MYO5B: variants seen among roughly 807,000 people sequenced by gnomAD.
MYO5B encodes the protein myosin VB, also known as unconventional myosin-Vb.
A neutral mutation model predicts 229.3 loss-of-function variants in MYO5B; 143 were observed. The ratio of observed to expected loss-of-function variants is 0.62; its 90% CI spans 0.54 to 0.72. The LOEUF (loss-of-function observed/expected upper bound fraction) is 0.72, where lower values mean the gene tolerates loss of function less well. Ranked by LOEUF, MYO5B falls within the 30% of genes least tolerant of loss-of-function variation. The pLI is 0.00. For synonymous variants in MYO5B, 918 were observed against 885.2 expected (o/e 1.04, Z -0.66); for missense variants, 2,321 against 2,331.0 (o/e 1.00, Z 0.09).
chr18:49,843,124 A>C, intron 34 of MYO5B, 117 bp downstream of exon 34: 1 of 1,345,428 alleles, frequency 7.4e-7, no homozygotes, highest in Non-Finnish European at 1.1e-6. Context: ...ATTTACCTTC[A>C]AAGTTGGAGC....
intron 12 of MYO5B, 124 bp from the exon 13 acceptor site, chr18:49,954,559 C>T (rs1439593554): frequency 6.4e-6 from 8 of 1,247,228 alleles, no homozygotes; most frequent in African/African-American, 1.5e-5. Context: ...CGAACCAGGA[C>T]CTTAACTGGA....
rs117958413 is a variant in MYO5B at position 49,841,628 on chromosome 18, G to A, written c.4612-174C>T. Among the ~76,000 whole-genome samples, 10 of 152,304 alleles carry A rather than the reference G, an allele frequency of 6.6e-5. No homozygotes were observed. In the East Asian group the frequency reaches 1.2e-3, roughly 18 times the overall value. ...GAGACCCATTGCTGAGAGGCTGTGT[G>A]AGTGTTCCTCTACCACCAGGGATGG... On this transcript the variant is annotated intron_variant, in intron 34 of 39. Transcript: ENST00000285039.
At chr18:50,041,859 G>A (rs573867870) in intron 2 of MYO5B, among the ~76,000 whole-genome samples, 48 of 152,196 alleles carry the variant, frequency 3.2e-4, no homozygotes, top group African/African-American at 1.1e-3. Flanking sequence ...AGGAGACAGC[G>A]ATTCTTCATC....
At chr18:49,988,797 A>G (rs1228403625) in intron 7 of MYO5B, among the ~76,000 whole-genome samples, 1 of 152,202 alleles carries the variant, frequency 6.6e-6, no homozygotes, top group Non-Finnish European at 1.5e-5. Flanking sequence ...TCAGAGCCAC[A>G]GGCTCCAGCT....
In MYO5B at chr18:50,194,870, G is replaced by C; in HGVS notation, c.-77C>G. 1 of 1,240,096 alleles carries C rather than the reference G, an allele frequency of 8.1e-7. No individual in the cohort carries two copies. The highest frequency in any genetic ancestry group is 1.0e-6 in the Non-Finnish European group (1 of 994,180). 76.8% of individuals were successfully genotyped at this position (1,240,096 alleles called of 1,614,324 possible). On this transcript the variant is annotated 5_prime_UTR_variant, in exon 1 of 40. Coordinates refer to ENST00000285039, the MANE Select transcript of MYO5B (RefSeq NM_001080467.3). ...TCAGTCCGCGGCTGGCCCGCCTGGC[G>C]CCATGTTCCCGGGCTGGCCTGGAGT...
intron 18 of MYO5B, among the ~76,000 whole-genome samples, chr18:49,907,724 C>G (rs1464573642): frequency 6.6e-6 from 1 of 152,270 alleles, no homozygotes; most frequent in Non-Finnish European, 1.5e-5. Flanking sequence ...GTTCCACACA[C>G]AGGGAAGGCT....
intron 39 of MYO5B, among the ~76,000 whole-genome samples, chr18:49,828,342 A>G (rs1458595631): frequency 6.6e-6 from 1 of 152,256 alleles, no homozygotes; most frequent in Non-Finnish European, 1.5e-5. Context: ...TCATTTCCAG[A>G]GACAAAGAAG....
intron 1 of MYO5B, among the ~76,000 whole-genome samples, chr18:50,113,608 T>A (rs1170287511): frequency 6.6e-6 from 1 of 152,208 alleles, no homozygotes; most frequent in East Asian, 1.9e-4. Context: ...TGCAACTTAT[T>A]TCTGTACATT....
intron 8 of MYO5B, among the ~76,000 whole-genome samples, chr18:49,982,294 G>A (rs1190887344): frequency 1.3e-5 from 2 of 152,144 alleles, no homozygotes; most frequent in East Asian, 3.8e-4. Flanking sequence ...CTGGGTTCAA[G>A]CAATCCTCCT....
chr18:50,012,012 C>T (rs1176229011), intron 4 of MYO5B, among the ~76,000 whole-genome samples: 2 of 152,116 alleles, frequency 1.3e-5, no homozygotes, highest in African/African-American at 4.8e-5. Flanking sequence ...GACTGCAGAA[C>T]CATTATTTGC....
chr18:49,993,323 G>T (rs1348301169), intron 5 of MYO5B, among the ~76,000 whole-genome samples: 1 of 151,692 alleles, frequency 6.6e-6, no homozygotes, highest in African/African-American at 2.4e-5. Context: ...CTCAAGTCCT[G>T]CCCAGCCCAA....
chr18:49,943,253 T>C (rs899145275), intron 14 of MYO5B, among the ~76,000 whole-genome samples: 1 of 148,178 alleles, frequency 6.7e-6, no homozygotes, highest in Admixed American at 6.7e-5. Flanking sequence ...CATTAGGAGA[T>C]ATACCTAATG....
Position 49,825,163 on chromosome 18 carries a change from A to G in MYO5B, c.*1308T>C, listed in dbSNP as rs939850274. 8 of 152,220 alleles carry G rather than the reference A, an allele frequency of 5.3e-5. No homozygotes were observed. The highest frequency in any genetic ancestry group is 5.2e-4 in the Admixed American group (8 of 15,284). 9.4% of individuals were successfully genotyped at this position (152,220 alleles called of 1,614,324 possible). On this transcript the variant is annotated 3_prime_UTR_variant, in exon 40 of 40. Transcript: ENST00000285039. ...GAACAGCATACTGCTATCAAGAAATACAGAAAAGACAGTAAAAAAAAGTGT... is the reference window on the plus strand; with the variant it reads ...GAACAGCATACTGCTATCAAGAAATGCAGAAAAGACAGTAAAAAAAAGTGT...
chr18:49,952,683 C>G (rs2025442643), intron 14 of MYO5B, among the ~76,000 whole-genome samples: 1 of 152,104 alleles, frequency 6.6e-6, no homozygotes, highest in African/African-American at 2.4e-5. Context: ...TATTTGCTAC[C>G]TTTTTCCTAT....
At position 50,194,869 on chromosome 18, in the gene MYO5B, C is replaced by G. The variant is rs2144370395; in HGVS notation, c.-76G>C. 1.0e-5 allele frequency: 13 copies of G among 1,240,110 alleles called. No individual in the cohort carries two copies. Among genetic ancestry groups the G allele is most frequent in the Non-Finnish European group, 1.2e-5 (12 of 994,222 alleles). The allele number at this position is 1,240,110 out of a possible 1,614,324, so 76.8% of individuals were successfully genotyped here. A position where few individuals can be genotyped will look rare whatever the true frequency, so the allele number is the denominator to read the frequency against. ...CTCAGTCCGCGGCTGGCCCGCCTGGCGCCATGTTCCCGGGCTGGCCTGGAG... is the reference window on the plus strand; with the variant it reads ...CTCAGTCCGCGGCTGGCCCGCCTGGGGCCATGTTCCCGGGCTGGCCTGGAG... On this transcript the variant is annotated 5_prime_UTR_variant, in exon 1 of 40. Coordinates refer to ENST00000285039, the MANE Select transcript of MYO5B (RefSeq NM_001080467.3).
Position 49,877,777 on chromosome 18 carries a change from G to A in MYO5B, c.3382C>T (p.Leu1128Phe), listed in dbSNP as rs765054056. 18 of 1,614,124 alleles carry A rather than the reference G, an allele frequency of 1.1e-5. 1 individual carries two copies. In the South Asian group the frequency reaches 1.8e-4, roughly 16 times the overall value. Residue 1128 changes from leucine (L) to phenylalanine (F), a missense_variant, in exon 25 of 40, where the codon CTC becomes TTC. Coordinates refer to ENST00000285039, the MANE Select transcript of MYO5B (RefSeq NM_001080467.3). ...GCATCACTCACCTCCACCTGCTGGAGGGCATCCTCAGTGTCTCCGATCTCA... is the reference window on the plus strand; with the variant it reads ...GCATCACTCACCTCCACCTGCTGGAAGGCATCCTCAGTGTCTCCGATCTCA... ...TSEIGDTEDA[L>F]QQVEEIGLEK...
chr18:50,026,015 T>C (rs951572637), intron 4 of MYO5B, among the ~76,000 whole-genome samples: 2 of 152,220 alleles, frequency 1.3e-5, no homozygotes, highest in African/African-American at 2.4e-5. Context: ...TTTAAAAAGA[T>C]GTAAAAAAAT....
chr18:50,176,605 G>T (rs1251399360), intron 1 of MYO5B, among the ~76,000 whole-genome samples: 3 of 152,088 alleles, frequency 2.0e-5, no homozygotes, highest in Non-Finnish European at 4.4e-5. Flanking sequence ...ATCAAAGTTT[G>T]GTCCCTGACC....
At chr18:50,166,906 G>A (rs1416690626) in intron 1 of MYO5B, among the ~76,000 whole-genome samples, 1 of 152,128 alleles carries the variant, frequency 6.6e-6, no homozygotes, top group Admixed American at 6.5e-5. Flanking sequence ...CACAATCTTG[G>A]ATATCAATTT....
Sources: allele counts gnomAD v4.1 joint callset (sites outside exome capture counted in the v4.1 genomes callset), GRCh38; gene constraint gnomAD v4.1.1; transcripts MANE v1.5; gene names NCBI Gene and HGNC (gene_info 2026-07-23, HGNC 2026-07-21).